Variants in BRWD1 observed in about 807,000 individuals in gnomAD.
BRWD1 encodes the protein bromodomain and WD repeat-containing protein 1.
A neutral mutation model predicts 251.2 loss-of-function variants in BRWD1; 82 were observed. The observed-to-expected ratio is 0.33, with a 90% CI of 0.27 to 0.39. BRWD1 has a LOEUF of 0.39. BRWD1 is among the 10% of genes least tolerant of loss of function. The pLI, the probability that BRWD1 is intolerant of heterozygous loss-of-function variation, is 1.00. For synonymous variants in BRWD1, 918 were observed against 902.8 expected, an observed-to-expected ratio of 1.02 and a Z score of -0.30; for missense variants, 2,233 against 2,711.6, an observed-to-expected ratio of 0.82 and a Z score of 3.92.
rs1308438525 is a variant in BRWD1, at chr21:39,196,237, A to G, written c.*22T>C. ...TAAATGCCAGTCCATTTCCTCTTAA[A>G]TGAACTGGCTTTCCCTCAAGGTCAT... On this transcript the variant is annotated 3_prime_UTR_variant, in exon 41 of 41. Coordinates refer to ENST00000342449, the MANE Select transcript of BRWD1 (RefSeq NM_033656.4). 2.0e-6 allele frequency: 3 copies of G among 1,531,138 alleles called. No homozygotes were observed. Among genetic ancestry groups the G allele is most frequent in the African/African-American group, 2.8e-5 (2 of 71,762 alleles). 94.8% of individuals were successfully genotyped at this position (1,531,138 alleles called of 1,614,324 possible). A position where few individuals can be genotyped will look rare whatever the true frequency, so the allele number is the denominator to read the frequency against.
At position 39,190,290 on chromosome 21, in the gene BRWD1, A is replaced by T. The variant is rs900857107; in HGVS notation, c.*5969T>A. 6.1e-6 allele frequency: 6 copies of T among 984,756 alleles called. No individual in the cohort carries two copies. The highest frequency in any genetic ancestry group is 7.2e-6 in the Non-Finnish European group (6 of 829,476). 61.0% of individuals were successfully genotyped at this position (984,756 alleles called of 1,614,324 possible). A position where few individuals can be genotyped will look rare whatever the true frequency, so the allele number is the denominator to read the frequency against. On this transcript the variant is annotated 3_prime_UTR_variant, in exon 41 of 41. Transcript: ENST00000342449. ...TTCTGCACAATATTTCATCATACAA[A>T]ACTGTTTTCCTAAATTCAAAGTAAA...
chr21:39,212,769 C>A, intron 33 of BRWD1, 62 bp from the exon 34 acceptor site: 1 of 1,170,368 alleles, frequency 8.5e-7, no homozygotes, highest in Non-Finnish European at 1.2e-6. Flanking sequence ...ATAACATAAT[C>A]TTAATAAATA....
Position 39,187,505 on chromosome 21 carries a change from C to T in BRWD1, c.*8754G>A, listed in dbSNP as rs769105749. 2.4e-5 allele frequency: 34 copies of T among 1,440,648 alleles called. No homozygotes were observed. The highest frequency in any genetic ancestry group is 1.8e-4 in the Middle Eastern group (1 of 5,442). The allele number at this position is 1,440,648 out of a possible 1,614,324, so 89.2% of individuals were successfully genotyped here. On this transcript the variant is annotated 3_prime_UTR_variant, in exon 41 of 41. Transcript: ENST00000342449. The stretch of plus-strand genomic sequence containing the variant: ...CTAACATTCCTCAACAACACTCATT[C>T]GGAAACAATAAATTTAAAAGTCATA...
intron 23 of BRWD1, chr21:39,236,113 G>A (rs562892053): frequency 1.3e-5 from 2 of 155,238 alleles, no homozygotes; most frequent in African/African-American, 4.8e-5. Context: ...CCAGAAACAT[G>A]CAGTCATGGC....
chr21:39,191,648 A>C lies in BRWD1; in HGVS notation c.*4611T>G, dbSNP rs1014873348. The stretch of plus-strand genomic sequence containing the variant: ...TTTAGAAAATTAACTTGAATATATC[A>C]AAAATTAAAGATCCCTTTAACTTTT... On this transcript the variant is annotated 3_prime_UTR_variant, in exon 41 of 41. Transcript: ENST00000342449. 1.2e-5 allele frequency: 12 copies of C among 984,434 alleles called. No homozygotes were observed. Among genetic ancestry groups the C allele is most frequent in the African/African-American group, 3.5e-5 (2 of 57,204 alleles). The allele number at this position is 984,434 out of a possible 1,614,324, so 61.0% of individuals were successfully genotyped here.
In BRWD1 at chr21:39,236,511, C is replaced by T. The variant is rs540890013; in HGVS notation, c.2766+84G>A. 1.0e-4 allele frequency: 124 copies of T among 1,241,846 alleles called. 2 individuals carry two copies. The South Asian group carries it at 1.3e-3, about 13-fold the overall frequency. The allele number at this position is 1,241,846 out of a possible 1,614,324, so 76.9% of individuals were successfully genotyped here. A position where few individuals can be genotyped will look rare whatever the true frequency, so the allele number is the denominator to read the frequency against. The stretch of plus-strand genomic sequence containing the variant: ...CCAAGGCACCACTATGCCAGTATCA[C>T]GAGAAATGTTAAAACAACATTTGAA... On this transcript the variant is annotated intron_variant, in intron 23 of 40. Transcript: ENST00000342449.
At position 39,187,603 on chromosome 21, in the gene BRWD1, C is replaced by G. The variant is rs950557229; in HGVS notation, c.*8656G>C. On this transcript the variant is annotated 3_prime_UTR_variant, in exon 41 of 41. Transcript: ENST00000342449. ...TTGATATAACCTTACATTTGCTTAT[C>G]TACAACTATAAGGATGTCACTTAAA... 6 of 985,134 alleles carry G rather than the reference C, an allele frequency of 6.1e-6. No homozygotes were observed. In the South Asian group the frequency reaches 2.8e-4, roughly 46 times the overall value. The allele number at this position is 985,134 out of a possible 1,614,324, so 61.0% of individuals were successfully genotyped here.
At chr21:39,311,299 C>G (rs931126237) in intron 4 of BRWD1, among the ~76,000 whole-genome samples, 19 of 152,140 alleles carry the variant, frequency 1.2e-4, no homozygotes, top group African/African-American at 4.3e-4. Context: ...TCCGAAATAG[C>G]TGGGACTACA....
At chr21:39,235,093 A>G (rs969651506) in intron 23 of BRWD1, among the ~76,000 whole-genome samples, 5 of 152,106 alleles carry the variant, frequency 3.3e-5, no homozygotes, top group African/African-American at 1.2e-4. Context: ...TACTAAAAAT[A>G]CGAAACTTAG....
At chr21:39,260,892 G>A (rs766278616) in intron 17 of BRWD1, among the ~76,000 whole-genome samples, 1 of 152,186 alleles carries the variant, frequency 6.6e-6, no homozygotes, top group East Asian at 1.9e-4. Flanking sequence ...AAGCTCCAAA[G>A]ATCTGTAATG....
intron 17 of BRWD1, among the ~76,000 whole-genome samples, chr21:39,262,356 G>C (rs768484284): frequency 3.9e-5 from 6 of 152,128 alleles, no homozygotes; most frequent in Non-Finnish European, 8.8e-5. Context: ...ACAAACTACT[G>C]ATACATGCAA....
At chr21:39,209,920 A>C in intron 36 of BRWD1, 75 bp downstream of exon 36, 3 of 1,443,978 alleles carry the variant, frequency 2.1e-6, no homozygotes, top group Non-Finnish European at 2.8e-6. Flanking sequence ...TTACACTGGA[A>C]AAAATTACTA....
chr21:39,216,366 A>G (rs1601296599), intron 31 of BRWD1, among the ~76,000 whole-genome samples: 1 of 151,876 alleles, frequency 6.6e-6, no homozygotes, highest in Admixed American at 6.5e-5. Flanking sequence ...AAAGAAAAAA[A>G]ATAAAGTTAT....
At chr21:39,215,724 G>C (rs1374792932) in intron 31 of BRWD1, among the ~76,000 whole-genome samples, 1 of 152,096 alleles carries the variant, frequency 6.6e-6, no homozygotes, top group African/African-American at 2.4e-5. Context: ...CCAGCAAGCT[G>C]GGATTACACC....
In BRWD1 at chr21:39,313,539, G is replaced by A. The variant is rs529315923; in HGVS notation, c.-48C>T. 1.0e-4 allele frequency: 135 copies of A among 1,314,786 alleles called. 3 individuals carry two copies. In the South Asian group the frequency reaches 2.8e-3, roughly 27 times the overall value. 81.4% of individuals were successfully genotyped at this position (1,314,786 alleles called of 1,614,324 possible). On this transcript the variant is annotated 5_prime_UTR_variant, in exon 1 of 41. Coordinates refer to ENST00000342449, the MANE Select transcript of BRWD1 (RefSeq NM_033656.4). ...GGGAGCGAGCGAGCGAGCGGAGCGT[G>A]TAGGCCGCGCCGAGGCCTGACCGGG...
At chr21:39,284,454 G>T (rs961004819) in intron 8 of BRWD1, among the ~76,000 whole-genome samples, 1 of 152,150 alleles carries the variant, frequency 6.6e-6, no homozygotes, top group African/African-American at 2.4e-5. Flanking sequence ...CTCCAGCCTG[G>T]GCAACAGAGA....
rs1257874991 is a variant in BRWD1 at position 39,243,180 on chromosome 21, G to A, written c.2481+4521C>T. 2.6e-5 allele frequency among the ~76,000 whole-genome samples: 4 copies of A among 152,260 alleles called. 1 individual carries two copies. Among genetic ancestry groups the A allele is most frequent in the South Asian group, 4.1e-4 (2 of 4,826 alleles). On this transcript the variant is annotated intron_variant, in intron 21 of 40. Coordinates refer to ENST00000342449, the MANE Select transcript of BRWD1 (RefSeq NM_033656.4). ...TGTGCTTTCTGATGTGATGCACTGA[G>A]AAGAACAGTATATTTTCTGTCATAT...
intron 21 of BRWD1, among the ~76,000 whole-genome samples, chr21:39,247,058 GACA>G (rs984677176): frequency 1.4e-3 from 207 of 148,238 alleles, no homozygotes; most frequent in African/African-American, 4.5e-3. Flanking sequence ...AGCCAGGCAA[GACA>G]ACGAGACTCC....
intron 37 of BRWD1, among the ~76,000 whole-genome samples, chr21:39,204,736 A>G (rs2032307369): frequency 6.6e-6 from 1 of 152,238 alleles, no homozygotes; most frequent in Non-Finnish European, 1.5e-5. Context: ...AGTTCAAGAC[A>G]AAACTGTTCC....
Sources: allele counts gnomAD v4.1 joint callset (sites outside exome capture counted in the v4.1 genomes callset), GRCh38; gene constraint gnomAD v4.1.1; transcripts MANE v1.5; gene names NCBI Gene and HGNC (gene_info 2026-07-23, HGNC 2026-07-21).